Variants in SPTBN1 observed in about 807,000 individuals in gnomAD.
SPTBN1 encodes spectrin beta, non-erythrocytic 1.
A neutral mutation model predicts 266.4 loss-of-function variants in SPTBN1; 32 were observed. The observed-to-expected ratio is 0.12, with a 90% CI of 0.09 to 0.16. The LOEUF is 0.16. SPTBN1 is among the 10% of genes least tolerant of loss of function. The probability of loss-of-function intolerance (pLI) is 1.00; values close to 1 mark genes in which losing one functional copy is unlikely to be tolerated. For missense variants in SPTBN1, 2,296 were observed against 3,067.1 expected (o/e 0.75, Z 5.94); for synonymous variants, 1,336 against 1,162.2 (o/e 1.15, Z -3.04).
rs199589621 is a variant in SPTBN1 at position 54,631,513 on chromosome 2, A to G, written c.3466A>G (p.Lys1156Glu). Residue 1156 changes from lysine to glutamate, a missense_variant, in exon 16 of 36, where the codon AAG becomes GAG. This residue lies in a region of SPTBN1 where 386 missense variants were observed against 486.1 expected (regional missense o/e 0.79). Coordinates refer to ENST00000356805, the MANE Select transcript of SPTBN1 (RefSeq NM_003128.3). ...ALDTGWNELH[K>E]MWENRQNLLS... The stretch of plus-strand genomic sequence containing the variant: ...GGACACTGGATGGAACGAGCTCCAC[A>G]AGATGTGGGAGAACAGACAAAATCT... 6.2e-7 allele frequency: 1 copy of G among 1,614,214 alleles called. No individual in the cohort carries two copies. Among genetic ancestry groups the G allele is most frequent in the East Asian group, 2.2e-5 (1 of 44,880 alleles).
intron 32 of SPTBN1, chr2:54,661,653 C>T: frequency 1.0e-6 from 1 of 985,810 alleles, no homozygotes; most frequent in South Asian, 4.7e-5. Context: ...TGTCTTTGGT[C>T]ATTAGGGAGC....
In SPTBN1 at chr2:54,644,389, T is replaced by C; in HGVS notation, c.4072T>C (p.Leu1358=). Residue 1358 remains leucine, a synonymous_variant, in exon 20 of 36, where the codon TTA becomes CTA. Transcript: ENST00000356805. ...TGTGGTGAAGGAGAAACTCACTGGT[T>C]TACATAAAATGTGGGAAGTCCTTGA... ...EAVVKEKLTG[L]HKMWEVLEST... 1 of 1,614,204 alleles carries C rather than the reference T, an allele frequency of 6.2e-7. No homozygotes were observed. Among genetic ancestry groups the C allele is most frequent in the Non-Finnish European group, 8.5e-7 (1 of 1,180,028 alleles).
At chr2:54,591,099 TTTG>T (rs1675651319) in intron 2 of SPTBN1, among the ~76,000 whole-genome samples, 1 of 152,144 alleles carries the variant, frequency 6.6e-6, no homozygotes, top group South Asian at 2.1e-4. Context: ...GTAATGTCTT[TTTG>T]TTATTTTTTA....
chr2:54,473,307 A>G (rs933370703), intron 1 of SPTBN1, among the ~76,000 whole-genome samples: 2 of 152,240 alleles, frequency 1.3e-5, no homozygotes, highest in African/African-American at 4.8e-5. Flanking sequence ...TGTTTTTATA[A>G]CATAGAAAAA....
At chr2:54,612,771 G>A (rs764813300) in intron 4 of SPTBN1, among the ~76,000 whole-genome samples, 1 of 151,850 alleles carries the variant, frequency 6.6e-6, no homozygotes, top group Non-Finnish European at 1.5e-5. Flanking sequence ...TGGCAAAGCT[G>A]TTGAGGGTTA....
intron 4 of SPTBN1, 70 bp from the exon 5 acceptor site, chr2:54,616,137 A>G: frequency 3.8e-6 from 5 of 1,309,206 alleles, no homozygotes; most frequent in Non-Finnish European, 5.5e-6. Context: ...GTATATGCAG[A>G]CCTGTTCTTC....
chr2:54,487,224 T>G (rs1321262610), intron 1 of SPTBN1, among the ~76,000 whole-genome samples: 1 of 142,994 alleles, frequency 7.0e-6, no homozygotes, highest in Non-Finnish European at 1.5e-5. Flanking sequence ...ATCAGCACAA[T>G]TTTTCCCTTT....
chr2:54,605,250 A>C (rs1017936712), intron 3 of SPTBN1, among the ~76,000 whole-genome samples: 2 of 152,236 alleles, frequency 1.3e-5, no homozygotes, highest in Admixed American at 6.5e-5. Context: ...ACCAGCCACC[A>C]GATGGGAACC....
chr2:54,544,347 GA>G (rs1249223721), intron 2 of SPTBN1, among the ~76,000 whole-genome samples: 7 of 152,194 alleles, frequency 4.6e-5, no homozygotes, highest in Admixed American at 6.5e-5. Context: ...TTAATGGGGG[GA>G]AAATCTTCTA....
chr2:54,665,668 G>A (rs2292357), intron 33 of SPTBN1, among the ~76,000 whole-genome samples: 101,557 of 151,696 alleles, frequency 0.67, 34,845 homozygotes, highest in Non-Finnish European at 0.74. Flanking sequence ...TCTCCGAAGT[G>A]AAAGAGAAGA....
rs1481241489 is a variant in SPTBN1, at chr2:54,558,601, A to AT, written c.148+32035_148+32036insT. Reference sequence around the variant, plus strand: ...CTGTGTGGTAACTCCTCGCGGAGCTAAGGTGGACTCTCTTGCAGCCAACTT... The same window carrying AT: ...CTGTGTGGTAACTCCTCGCGGAGCTATAGGTGGACTCTCTTGCAGCCAACTT... On this transcript the variant is annotated intron_variant, in intron 2 of 35. Coordinates refer to ENST00000356805, the MANE Select transcript of SPTBN1 (RefSeq NM_003128.3). The surrounding 1 kb of genome is among the most constrained non-coding windows in gnomAD (Gnocchi z 4.6). 7.1e-7 allele frequency: 1 copy of AT among 1,406,222 alleles called. No individual in the cohort carries two copies. Among genetic ancestry groups the AT allele is most frequent in the African/African-American group, 1.5e-5 (1 of 67,592 alleles). The allele number at this position is 1,406,222 out of a possible 1,614,324, so 87.1% of individuals were successfully genotyped here.
intron 2 of SPTBN1, among the ~76,000 whole-genome samples, chr2:54,549,719 C>G (rs1672457905): frequency 6.6e-6 from 1 of 152,128 alleles, no homozygotes; most frequent in Admixed American, 6.5e-5. Context: ...ATCATCCCAG[C>G]TGGGTAATCT....
chr2:54,557,830 C>T (rs1672977112), intron 2 of SPTBN1: 2 of 985,322 alleles, frequency 2.0e-6, no homozygotes, highest in East Asian at 2.3e-4. Flanking sequence ...CCCGAACTTA[C>T]ACCTCCCCTG....
At chr2:54,519,637 AG>A (rs1670314508) in intron 1 of SPTBN1, among the ~76,000 whole-genome samples, 1 of 152,196 alleles carries the variant, frequency 6.6e-6, no homozygotes, top group South Asian at 2.1e-4. Context: ...TTCTCTCCTA[AG>A]GCTTCTTGGC....
intron 1 of SPTBN1, among the ~76,000 whole-genome samples, chr2:54,517,919 C>G (rs1192017882): frequency 6.6e-6 from 1 of 150,752 alleles, no homozygotes; most frequent in Non-Finnish European, 1.5e-5. Flanking sequence ...GCTGGGATTA[C>G]AGGCATGAGC....
Position 54,654,825 on chromosome 2 carries a change from G to T in SPTBN1, c.5823-245G>T, listed in dbSNP as rs901778683. 7.9e-4 allele frequency among the ~76,000 whole-genome samples: 120 copies of T among 152,092 alleles called. 1 individual carries two copies. Among genetic ancestry groups the T allele is most frequent in the African/African-American group, 2.9e-3 (118 of 41,398 alleles). ...CTAGCAACCATTTTGAATTATTCAG[G>T]CACACACACAAAAACAAAAGCAGCC... is the stretch of plus-strand genomic sequence containing the variant. On this transcript the variant is annotated intron_variant, in intron 27 of 35. Transcript: ENST00000356805.
Position 54,628,201 on chromosome 2 carries a change from G to A in SPTBN1, c.1749G>A (p.Arg583=), listed in dbSNP as rs372321379. The A allele has an allele frequency of 2.6e-5, 42 of 1,613,914 alleles. No individual in the cohort carries two copies. The highest frequency in any genetic ancestry group is 5.0e-5 in the Admixed American group (3 of 59,998). Residue 583 remains arginine, a synonymous_variant, in exon 13 of 36, where the codon CGG becomes CGA. Transcript: ENST00000356805. The surrounding 1 kb of genome is among the most constrained non-coding windows in gnomAD (Gnocchi z 4.3). The part of the protein sequence containing the change: ...VEADIGIQAE[R]VRGVNASAQK... ...CAGACATTGGCATCCAGGCAGAGCG[G>A]GTGAGAGGTGTCAATGCCTCCGCCC...
intron 2 of SPTBN1, among the ~76,000 whole-genome samples, chr2:54,560,675 T>G (rs1673239536): frequency 6.6e-6 from 1 of 152,214 alleles, no homozygotes; most frequent in Non-Finnish European, 1.5e-5. Flanking sequence ...TTTTTTTTAG[T>G]GTGACCCTTG....
At position 54,629,997 on chromosome 2, in the gene SPTBN1, A is replaced by C; in HGVS notation, c.2775A>C (p.Glu925Asp). ...LMHSGHPSEK[E>D]IKAQQDKLNT... ...ACAGCGGCCACCCAAGTGAGAAGGA[A>C]ATCAAAGCCCAGCAGGACAAACTCA... The change falls in exon 15 of 36, where the codon GAA (glutamate) becomes GAC (aspartate). Residue 925 changes from glutamate to aspartate, a missense_variant. Transcript: ENST00000356805. 3 of 1,614,138 alleles carry C rather than the reference A, an allele frequency of 1.9e-6. No individual in the cohort carries two copies. Among genetic ancestry groups the C allele is most frequent in the Non-Finnish European group, 2.5e-6 (3 of 1,180,012 alleles).
Sources: allele counts gnomAD v4.1 joint callset (sites outside exome capture counted in the v4.1 genomes callset), GRCh38; gene constraint gnomAD v4.1.1; regional missense constraint gnomAD v4.1.1; non-coding constraint Gnocchi (gnomAD v3.1); transcripts MANE v1.5; gene names NCBI Gene and HGNC (gene_info 2026-07-23, HGNC 2026-07-21).